VPS35L: variants seen among roughly 807,000 people sequenced by gnomAD.
VPS35L encodes the protein VPS35 endosomal protein-sorting factor-like.
In VPS35L, 83 loss-of-function variants were observed where a neutral mutation model predicts 133.0. The ratio of observed to expected loss-of-function variants is 0.62; its 90% CI spans 0.52 to 0.75. The LOEUF (loss-of-function observed/expected upper bound fraction) is 0.75. VPS35L is among the 30% of genes least tolerant of loss of function. The probability of loss-of-function intolerance (pLI) is 0.00; values close to 1 mark genes in which losing one functional copy is unlikely to be tolerated. For synonymous variants in VPS35L, 423 were observed against 449.9 expected (o/e 0.94, Z 0.76); for missense variants, 1,083 against 1,206.8 (o/e 0.90, Z 1.52).
intron 27 of VPS35L, among the ~76,000 whole-genome samples, chr16:19,669,829 CCTGGCTAAT>C (rs1285051441): frequency 6.6e-6 from 1 of 151,732 alleles, no homozygotes; most frequent in Non-Finnish European, 1.5e-5. Context: ...CGCCACCACA[CCTGGCTAAT>C]TTTTGTATTT....
chr16:19,610,487 T>C, intron 12 of VPS35L, 72 bp downstream of exon 12: 1 of 1,155,622 alleles, frequency 8.7e-7, no homozygotes, highest in Non-Finnish European at 1.2e-6. Context: ...CACAGGGCCC[T>C]CCTTCCCCAC....
chr16:19,651,897 A>C (rs1158069104), intron 25 of VPS35L, 79 bp from the exon 26 acceptor site: 1 of 1,045,432 alleles, frequency 9.6e-7, no homozygotes, highest in African/African-American at 1.6e-5. Context: ...TTTCCTTGGA[A>C]ATACATGAGG....
chr16:19,569,612 T>A, intron 3 of VPS35L, 21 bp downstream of exon 3: 1 of 1,516,768 alleles, frequency 6.6e-7, no homozygotes, highest in Non-Finnish European at 8.8e-7. Context: ...CCAGCCATGG[T>A]CGTCCAGTGG....
chr16:19,657,420 CTTCCCA>C (rs1406012204), intron 26 of VPS35L, among the ~76,000 whole-genome samples: 2 of 152,250 alleles, frequency 1.3e-5, no homozygotes, highest in South Asian at 2.1e-4. Flanking sequence ...CATCCTTGGC[CTTCCCA>C]TTTCTGCAGA....
chr16:19,609,269 C>A (rs548173461), intron 11 of VPS35L, among the ~76,000 whole-genome samples: 1 of 152,306 alleles, frequency 6.6e-6, no homozygotes, highest in East Asian at 1.9e-4. Flanking sequence ...CATGGAAGAT[C>A]AGCTCAACTG....
chr16:19,619,939 G>A (rs1973023749), intron 14 of VPS35L, among the ~76,000 whole-genome samples: 1 of 152,126 alleles, frequency 6.6e-6, no homozygotes. Flanking sequence ...ATCCATTAGA[G>A]GCCAAGACTT....
chr16:19,573,758 C>T (rs558807734), intron 4 of VPS35L, among the ~76,000 whole-genome samples: 4 of 152,004 alleles, frequency 2.6e-5, no homozygotes, highest in Middle Eastern at 3.4e-3. Flanking sequence ...GGTTACATTG[C>T]GCAGAGATCA....
chr16:19,591,913 T>C (rs753348534), intron 8 of VPS35L, 39 bp downstream of exon 8: 1 of 1,471,492 alleles, frequency 6.8e-7, no homozygotes, highest in South Asian at 1.1e-5. Flanking sequence ...CTAGGAAATG[T>C]GTTCGTTTTG....
intron 7 of VPS35L, among the ~76,000 whole-genome samples, chr16:19,584,518 T>C (rs548899917): frequency 6.6e-6 from 1 of 151,846 alleles, no homozygotes; most frequent in East Asian, 1.9e-4. Context: ...TCTCAGCTAC[T>C]TGGGAAGCTG....
chr16:19,581,467 G>A (rs1017433857), intron 6 of VPS35L, 58 bp from the exon 7 acceptor site: 15 of 1,487,584 alleles, frequency 1.0e-5, no homozygotes, highest in Non-Finnish European at 1.3e-5. Flanking sequence ...TCTTTATAAG[G>A]GTGTAGTCGA....
At chr16:19,697,028 C>T (rs1197444370) in intron 29 of VPS35L, among the ~76,000 whole-genome samples, 2 of 152,192 alleles carry the variant, frequency 1.3e-5, no homozygotes, top group East Asian at 3.9e-4. Context: ...GGCATAACTG[C>T]ATTGTCTGTT....
Position 19,591,770 on chromosome 16 carries a change from CT to C in VPS35L, c.640-13del. The C allele has an allele frequency of 6.3e-7, 1 of 1,585,394 alleles. No individual in the cohort carries two copies. The highest frequency in any genetic ancestry group is 8.7e-7 in the Non-Finnish European group (1 of 1,155,270). ...CCAGACATGCCAGAGTGAATTTTCTCTTTTTTTCTCTTTTTTTAGTGTTCAA... is the reference window on the plus strand; with the variant it reads ...CCAGACATGCCAGAGTGAATTTTCTCTTTTTTCTCTTTTTTTAGTGTTCAA... On this transcript the variant is annotated intron_variant, in intron 7 of 30. Transcript: ENST00000417362.
chr16:19,637,316 A>T (rs763631179), intron 19 of VPS35L, among the ~76,000 whole-genome samples: 1 of 152,170 alleles, frequency 6.6e-6, no homozygotes, highest in Non-Finnish European at 1.5e-5. Flanking sequence ...TTCACAGATG[A>T]GGAAGCTGAG....
chr16:19,677,743 C>T (rs1163164672), intron 27 of VPS35L, among the ~76,000 whole-genome samples: 1 of 152,180 alleles, frequency 6.6e-6, no homozygotes, highest in Non-Finnish European at 1.5e-5. Context: ...TGATCTGTCT[C>T]CCTTCGTCCT....
intron 14 of VPS35L, among the ~76,000 whole-genome samples, chr16:19,618,826 T>C (rs1190999177): frequency 3.3e-5 from 5 of 152,176 alleles, no homozygotes; most frequent in Admixed American, 1.3e-4. Flanking sequence ...ACATGATTTT[T>C]ATATCTGTGC....
intron 14 of VPS35L, among the ~76,000 whole-genome samples, chr16:19,618,520 A>G (rs992114474): frequency 4.6e-5 from 7 of 152,188 alleles, no homozygotes; most frequent in Admixed American, 4.6e-4. Context: ...GTATATGGCT[A>G]AGTGCAAAAA....
intron 3 of VPS35L, 78 bp downstream of exon 3, chr16:19,569,669 C>T (rs1971301409): frequency 7.3e-7 from 1 of 1,366,334 alleles, no homozygotes; most frequent in East Asian, 2.6e-5. Flanking sequence ...TTGTGCCCTG[C>T]CCTTTTTTTT....
chr16:19,685,029 G>A (rs145938986), intron 28 of VPS35L, among the ~76,000 whole-genome samples: 1,764 of 150,582 alleles, frequency 0.012, 27 homozygotes, highest in Non-Finnish European at 0.02. Flanking sequence ...TCCAGCCTGG[G>A]TGACAGAGCA....
chr16:19,692,850 A>G (rs1490763666), intron 29 of VPS35L, among the ~76,000 whole-genome samples: 2 of 152,214 alleles, frequency 1.3e-5, no homozygotes, highest in African/African-American at 4.8e-5. Flanking sequence ...GGCATGAGCT[A>G]TTGCGCCCGG....
Sources: allele counts gnomAD v4.1 joint callset (sites outside exome capture counted in the v4.1 genomes callset), GRCh38; gene constraint gnomAD v4.1.1; transcripts MANE v1.5; gene names NCBI Gene and HGNC (gene_info 2026-07-23, HGNC 2026-07-21).